The following TMEM182 variants were observed in gnomAD, a reference collection of about 807,000 sequenced individuals.
TMEM182 encodes transmembrane protein 182.
Under a neutral mutation model 26.8 loss-of-function variants are expected in TMEM182, and 20 were observed. That is an observed-to-expected ratio of 0.75 (90% CI 0.53 to 1.09). TMEM182 has a LOEUF of 1.09. Among genes scored for constraint, TMEM182 ranks in the 50% least tolerant of loss-of-function variants. The pLI is 0.00. For missense variants in TMEM182, 277 were observed against 275.5 expected (o/e 1.01, Z -0.04); for synonymous variants, 109 against 102.2 (o/e 1.07, Z -0.40).
rs954015285 is a variant in TMEM182 at position 102,762,769 on chromosome 2, C to T, written c.232+83C>T. On this transcript the variant is annotated intron_variant, in intron 2 of 4. Coordinates refer to ENST00000412401, the MANE Select transcript of TMEM182 (RefSeq NM_144632.5). ...CTTACATAGTATATGTCACTTCTAGCGGACTGGATTGTGAGTTACAAAATC... is the reference window on the plus strand; with the variant it reads ...CTTACATAGTATATGTCACTTCTAGTGGACTGGATTGTGAGTTACAAAATC... The T allele has an allele frequency of 2.6e-5, 30 of 1,138,798 alleles. No individual in the cohort carries two copies. The East Asian group carries it at 5.5e-4, about 21-fold the overall frequency. 70.5% of individuals were successfully genotyped at this position (1,138,798 alleles called of 1,614,324 possible).
At chr2:102,804,199 G>A (rs1682262167) in intron 4 of TMEM182, among the ~76,000 whole-genome samples, 2 of 151,692 alleles carry the variant, frequency 1.3e-5, no homozygotes, top group Admixed American at 1.3e-4. Flanking sequence ...GGTACTGGTG[G>A]TGTTTGGTTA....
chr2:102,760,258 A>G (rs1680166741), upstream of TMEM182, among the ~76,000 whole-genome samples: 1 of 152,204 alleles, frequency 6.6e-6, no homozygotes, highest in South Asian at 2.1e-4. Flanking sequence ...GTAGGGAAGG[A>G]GTGTGATTGA....
At chr2:102,769,427 C>T (rs1680588057) in intron 3 of TMEM182, among the ~76,000 whole-genome samples, 1 of 152,114 alleles carries the variant, frequency 6.6e-6, no homozygotes, top group African/African-American at 2.4e-5. Context: ...GTTTAAATAA[C>T]ATACAGTAAA....
chr2:102,814,652 G>T, intron 4 of TMEM182, 96 bp from the exon 5 acceptor site: 2 of 1,059,990 alleles, frequency 1.9e-6, no homozygotes, highest in South Asian at 1.6e-5. Context: ...AAATGTATTT[G>T]CAGGAGCTTG....
intron 1 of TMEM182, among the ~76,000 whole-genome samples, chr2:102,750,137 A>G (rs1250274229): frequency 6.6e-6 from 1 of 152,086 alleles, no homozygotes; most frequent in East Asian, 1.9e-4. Flanking sequence ...GCACAGATTC[A>G]CTTTCGCTTC....
At chr2:102,763,561 A>G (rs1457071161) in intron 2 of TMEM182, among the ~76,000 whole-genome samples, 1 of 152,212 alleles carries the variant, frequency 6.6e-6, no homozygotes, top group Non-Finnish European at 1.5e-5. Context: ...GTTGGCATAT[A>G]TAAGGAACAA....
rs753194136 is a variant in TMEM182, at chr2:102,764,369, G to A, written c.273G>A (p.Leu91=). Residue 91 remains leucine, a synonymous_variant, in exon 3 of 5, where the codon CTG becomes CTA. Coordinates refer to ENST00000412401, the MANE Select transcript of TMEM182 (RefSeq NM_144632.5). ...CCAAGAACTGCACACATGCTTACCTGTCTCCGTACCCCTTCATGAGAGGCG... is the reference window on the plus strand; with the variant it reads ...CCAAGAACTGCACACATGCTTACCTATCTCCGTACCCCTTCATGAGAGGCG... ...PPSKNCTHAY[L]SPYPFMRGEH... is the part of the protein sequence containing the mutation. The A allele has an allele frequency of 1.1e-4, 173 of 1,613,776 alleles. No individual in the cohort carries two copies. Among genetic ancestry groups the A allele is most frequent in the Non-Finnish European group, 1.4e-4 (171 of 1,179,920 alleles).
At chr2:102,799,522 T>C (rs1182831685) in intron 4 of TMEM182, among the ~76,000 whole-genome samples, 2 of 152,168 alleles carry the variant, frequency 1.3e-5, no homozygotes, top group Admixed American at 1.3e-4. Flanking sequence ...TATGGGCAAA[T>C]TGTCCATTTT....
chr2:102,794,251 T>C (rs1681772005), intron 3 of TMEM182, among the ~76,000 whole-genome samples: 1 of 152,164 alleles, frequency 6.6e-6, no homozygotes, highest in African/African-American at 2.4e-5. Context: ...TGCAAGAAAG[T>C]GGTAAATACT....
chr2:102,787,985 G>T (rs1448126477), intron 3 of TMEM182, among the ~76,000 whole-genome samples: 4 of 152,190 alleles, frequency 2.6e-5, no homozygotes, highest in Non-Finnish European at 5.9e-5. Flanking sequence ...GGGACCAGGA[G>T]TCTTACCTTT....
intron 1 of TMEM182, among the ~76,000 whole-genome samples, chr2:102,754,518 G>C (rs554214991): frequency 1.2e-4 from 18 of 152,320 alleles, no homozygotes; most frequent in Admixed American, 5.9e-4. Context: ...AAAGATGTCA[G>C]AACTTTCTTT....
intron 3 of TMEM182, among the ~76,000 whole-genome samples, chr2:102,823,452 C>A (rs184723325): frequency 1.4e-4 from 22 of 152,224 alleles, no homozygotes; most frequent in Admixed American, 1.4e-3. Context: ...CCTGCCTCAG[C>A]TCCCAAGTAG....
At chr2:102,793,970 G>C (rs1250758884) in intron 3 of TMEM182, among the ~76,000 whole-genome samples, 1 of 152,124 alleles carries the variant, frequency 6.6e-6, no homozygotes, top group African/African-American at 2.4e-5. Context: ...TTTGGGTGAA[G>C]GTGGCAGGAG....
At chr2:102,765,797 G>T (rs1680410863) in intron 3 of TMEM182, among the ~76,000 whole-genome samples, 1 of 152,182 alleles carries the variant, frequency 6.6e-6, no homozygotes, top group African/African-American at 2.4e-5. Flanking sequence ...GAAGGACTGG[G>T]ACCATTTTCC....
In TMEM182 at chr2:102,815,988, A is replaced by G; in HGVS notation, c.*1020A>G. 1 of 984,820 alleles carries G rather than the reference A, an allele frequency of 1.0e-6. No individual in the cohort carries two copies. Among genetic ancestry groups the G allele is most frequent in the Non-Finnish European group, 1.2e-6 (1 of 829,452 alleles). 61.0% of individuals were successfully genotyped at this position (984,820 alleles called of 1,614,324 possible). On this transcript the variant is annotated 3_prime_UTR_variant, in exon 5 of 5. Transcript: ENST00000412401. ...GTTCTTCTGATCATTTGATTCCTTT[A>G]ATTACTGTCCCTCAATTTCTTCATC...
At chr2:102,840,105 C>G (rs368684740) in intron 3 of TMEM182, among the ~76,000 whole-genome samples, 1 of 152,202 alleles carries the variant, frequency 6.6e-6, no homozygotes, top group Non-Finnish European at 1.5e-5. Context: ...ACTTTTACAT[C>G]TGCCACTAGA....
chr2:102,784,011 C>T (rs761697622), intron 3 of TMEM182, among the ~76,000 whole-genome samples: 16 of 152,044 alleles, frequency 1.1e-4, no homozygotes, highest in Non-Finnish European at 1.9e-4. Flanking sequence ...TTCCAAACTA[C>T]GCCGGACCTG....
chr2:102,743,495 C>G (rs1293758264), intron 1 of TMEM182, among the ~76,000 whole-genome samples: 1 of 151,918 alleles, frequency 6.6e-6, no homozygotes, highest in Non-Finnish European at 1.5e-5. Context: ...GACCCTGTCT[C>G]AAAACCAAAC....
At chr2:102,838,027 G>C (rs1201029980) in intron 3 of TMEM182, among the ~76,000 whole-genome samples, 1 of 152,202 alleles carries the variant, frequency 6.6e-6, no homozygotes, top group Non-Finnish European at 1.5e-5. Flanking sequence ...GGCCCTGTGT[G>C]ACTGCCCAAG....
Sources: gnomAD v4.1 joint callset for allele counts (sites outside exome capture counted in the v4.1 genomes callset) on GRCh38, gnomAD v4.1.1 for gene constraint, MANE v1.5 for transcripts, NCBI Gene and HGNC (gene_info 2026-07-23, HGNC 2026-07-21) for gene names.